IFT52: variants seen among roughly 807,000 people sequenced by gnomAD.
The protein encoded by IFT52 is intraflagellar transport protein 52 homolog.
Under a neutral mutation model 54.4 loss-of-function variants are expected in IFT52, and 44 were observed. The observed-to-expected ratio is 0.81, with a 90% CI of 0.63 to 1.04. The LOEUF is 1.04. Among genes scored for constraint, IFT52 ranks in the 50% least tolerant of loss-of-function variants. IFT52 has a pLI of 0.00. For missense variants in IFT52, 452 were observed against 523.6 expected, an observed-to-expected ratio of 0.86 and a Z score of 1.33; for synonymous variants, 181 against 185.3, an observed-to-expected ratio of 0.98 and a Z score of 0.19.
intron 11 of IFT52, among the ~76,000 whole-genome samples, chr20:43,636,512 T>C (rs1027894200): frequency 1.3e-5 from 2 of 152,198 alleles, no homozygotes; most frequent in Non-Finnish European, 2.9e-5. Flanking sequence ...CTTGGTAGCT[T>C]GAAATTGGCC....
In IFT52 at chr20:43,614,335, C is replaced by T. The variant is rs567905909; in HGVS notation, c.612+359C>T. Among the ~76,000 whole-genome samples, 20 of 151,272 alleles carry T rather than the reference C, an allele frequency of 1.3e-4. No individual in the cohort carries two copies. The South Asian group carries it at 1.9e-3, about 14-fold the overall frequency. ...CTGCAAGCTCCACCTCCCGGGTTCA[C>T]GCCATTCTCCTGCCTCAGCCTCCCG... On this transcript the variant is annotated intron_variant, in intron 7 of 13. Coordinates refer to ENST00000373030, the MANE Select transcript of IFT52 (RefSeq NM_016004.5).
intron 3 of IFT52, among the ~76,000 whole-genome samples, chr20:43,598,579 C>CA (rs1229890616): frequency 6.6e-6 from 1 of 152,094 alleles, no homozygotes; most frequent in Non-Finnish European, 1.5e-5. Context: ...CTTGTACTCC[C>CA]AGCTACTTGG....
Position 43,646,976 on chromosome 20 carries a change from A to G in IFT52, c.1307A>G (p.Asn436Ser), listed in dbSNP as rs1328999992. ...ACAAGTGAAACAGCATTCCAGAACAATTTCTGAAGACCATGCCTCTTGAAG... is the reference window on the plus strand; with the variant it reads ...ACAAGTGAAACAGCATTCCAGAACAGTTTCTGAAGACCATGCCTCTTGAAG... ...IDTSETAFQN[N>S]F Residue 436 changes from asparagine to serine, a missense_variant, in exon 14 of 14, where the codon AAT becomes AGT. Coordinates refer to ENST00000373030, the MANE Select transcript of IFT52 (RefSeq NM_016004.5). 6 of 1,613,316 alleles carry G rather than the reference A, an allele frequency of 3.7e-6. No homozygotes were observed. Among genetic ancestry groups the G allele is most frequent in the Non-Finnish European group, 5.1e-6 (6 of 1,179,454 alleles).
intron 10 of IFT52, among the ~76,000 whole-genome samples, chr20:43,627,904 TAGAG>T (rs34658714): frequency 8.0e-5 from 6 of 74,956 alleles, no homozygotes; most frequent in Non-Finnish European, 1.2e-4. Context: ...CATATATATA[TAGAG>T]AGAGAGAGAG....
chr20:43,622,765 A>ATATTTTTATGTGT (rs200912523), intron 9 of IFT52, among the ~76,000 whole-genome samples: 1 of 115,270 alleles, frequency 8.7e-6, no homozygotes, highest in Non-Finnish European at 1.7e-5. Flanking sequence ...AAATATATAC[A>ATATTTTTATGTGT]AATTGTGTGT....
At chr20:43,627,922 G>GTTTTTTTTTTTT (rs554920528) in intron 10 of IFT52, among the ~76,000 whole-genome samples, 1 of 56,082 alleles carries the variant, frequency 1.8e-5, no homozygotes, top group Non-Finnish European at 2.9e-5. Flanking sequence ...GAGAGAGAGA[G>GTTTTTTTTTTTT]TTTTTTTTTT....
intron 3 of IFT52, among the ~76,000 whole-genome samples, chr20:43,602,167 A>C (rs1007788398): frequency 5.3e-5 from 8 of 150,774 alleles, no homozygotes; most frequent in African/African-American, 2.0e-4. Flanking sequence ...TTATTTATTT[A>C]TTTATTTATT....
chr20:43,608,227 A>G (rs1326791465), intron 6 of IFT52, among the ~76,000 whole-genome samples: 1 of 152,074 alleles, frequency 6.6e-6, no homozygotes, highest in Admixed American at 6.6e-5. Flanking sequence ...TCAGCATTGA[A>G]ATTTCTGGGT....
chr20:43,604,863 G>A, intron 5 of IFT52, 139 bp from the exon 6 acceptor site: 2 of 744,150 alleles, frequency 2.7e-6, no homozygotes, highest in South Asian at 3.3e-5. Flanking sequence ...GCAGTGGTGG[G>A]AACACAGTTC....
intron 3 of IFT52, among the ~76,000 whole-genome samples, chr20:43,597,992 C>T (rs1341846397): frequency 1.3e-5 from 2 of 151,958 alleles, no homozygotes; most frequent in Non-Finnish European, 2.9e-5. Flanking sequence ...AGTTGCACAC[C>T]TATCTTCCTA....
At chr20:43,600,182 T>C (rs1003537466) in intron 3 of IFT52, among the ~76,000 whole-genome samples, 5 of 152,160 alleles carry the variant, frequency 3.3e-5, no homozygotes, top group African/African-American at 4.8e-5. Context: ...AGAACTCCGA[T>C]GAATGGGATA....
chr20:43,610,880 A>T (rs1307334172), intron 6 of IFT52, among the ~76,000 whole-genome samples: 2 of 152,252 alleles, frequency 1.3e-5, no homozygotes, highest in Admixed American at 1.3e-4. Context: ...TTACTTGCCA[A>T]GGGTGACCCA....
At position 43,611,801 on chromosome 20, in the gene IFT52, G is replaced by A. The variant is rs1019877568; in HGVS notation, c.486-2049G>A. Among the ~76,000 whole-genome samples, 16 of 151,648 alleles carry A rather than the reference G, an allele frequency of 1.1e-4. 1 individual carries two copies. Among genetic ancestry groups the A allele is most frequent in the Admixed American group, 7.2e-4 (11 of 15,186 alleles). On this transcript the variant is annotated intron_variant, in intron 6 of 13. Transcript: ENST00000373030. ...TCCCAGCAGTTTGGGAGGCTGAGGC[G>A]GGTGGATCACCTGAGGTCAGGAGTT... is the stretch of plus-strand genomic sequence containing the variant.
intron 1 of IFT52, among the ~76,000 whole-genome samples, chr20:43,594,346 C>T (rs553760764): frequency 1.6e-4 from 25 of 152,134 alleles, no homozygotes; most frequent in South Asian, 1.0e-3. Flanking sequence ...CTATACCCTG[C>T]GCTTAACAGT....
intron 10 of IFT52, among the ~76,000 whole-genome samples, chr20:43,634,930 G>A (rs1985418881): frequency 6.6e-6 from 1 of 152,084 alleles, no homozygotes; most frequent in Admixed American, 6.6e-5. Context: ...CAGCACTTTG[G>A]GAGACTGAGG....
intron 3 of IFT52, among the ~76,000 whole-genome samples, chr20:43,599,619 T>A (rs2145590358): frequency 6.6e-6 from 1 of 152,284 alleles, no homozygotes; most frequent in Non-Finnish European, 1.5e-5. Flanking sequence ...ATCACTGCTT[T>A]CCTTGTCATT....
At chr20:43,604,665 A>C (rs1225147705) in intron 5 of IFT52, among the ~76,000 whole-genome samples, 2 of 151,612 alleles carry the variant, frequency 1.3e-5, no homozygotes, top group Admixed American at 1.3e-4. Context: ...CATTCTTTTC[A>C]CTGCCCTTTC....
chr20:43,643,177 AAAAAC>A lies in IFT52; in HGVS notation c.1266+568_1266+572del, dbSNP rs201589724. Among the ~76,000 whole-genome samples the A allele has an allele frequency of 7.9e-3, 1,183 of 149,722 alleles. 7 individuals carry two copies. The highest frequency in any genetic ancestry group is 0.021 in the Middle Eastern group (6 of 286). On this transcript the variant is annotated intron_variant, in intron 13 of 13. Transcript: ENST00000373030. ...GAGACTCTGTCTCAAAAAAAAACAA[AAAAAC>A]AAAACAAAACAAAAAAAAAACAGCT... is the stretch of plus-strand genomic sequence containing the variant.
At position 43,604,199 on chromosome 20, in the gene IFT52, T is replaced by A. The variant is rs1276953861; in HGVS notation, c.354T>A (p.Asn118Lys). The change falls in exon 5 of 14, where the codon AAT (asparagine) becomes AAA (lysine). Residue 118 changes from asparagine to lysine, a missense_variant. Physicochemically the swap from Asn to Lys is moderately conservative, Grantham distance 94. Coordinates refer to ENST00000373030, the MANE Select transcript of IFT52 (RefSeq NM_016004.5). ...IMVNNDAVVR[N>K]VYHKYFHPKE... ...CCCTCATAGATGCTGTGGTTAGAAA[T>A]GTATATCACAAATATTTCCATCCTA... is the stretch of plus-strand genomic sequence containing the variant. The A allele has an allele frequency of 2.5e-6, 4 of 1,608,572 alleles. No homozygotes were observed. Among genetic ancestry groups the A allele is most frequent in the African/African-American group, 2.7e-5 (2 of 74,848 alleles).
Sources: gnomAD v4.1 joint callset for allele counts (sites outside exome capture counted in the v4.1 genomes callset) on GRCh38, gnomAD v4.1.1 for gene constraint, MANE v1.5 for transcripts, NCBI Gene and HGNC (gene_info 2026-07-23, HGNC 2026-07-21) for gene names.